SYNE2: variants seen among roughly 807,000 people sequenced by gnomAD.
SYNE2 encodes nesprin-2.
SYNE2 carries 431 observed loss-of-function variants against 856.3 expected under a neutral mutation model. The observed-to-expected ratio is 0.50, with a 90% CI of 0.47 to 0.55. SYNE2 has a LOEUF of 0.55. Among genes scored for constraint, SYNE2 ranks in the 20% least tolerant of loss-of-function variants. SYNE2 has a pLI of 0.00. For synonymous variants in SYNE2, 2,923 were observed against 2,872.3 expected (o/e 1.02, Z -0.56); for missense variants, 8,129 against 8,023.2 (o/e 1.01, Z -0.50).
intron 64 of SYNE2, among the ~76,000 whole-genome samples, chr14:64,106,611 T>C (rs1301158006): frequency 1.3e-5 from 2 of 152,204 alleles, no homozygotes; most frequent in African/African-American, 4.8e-5. Context: ...ATCGTGCCAC[T>C]GCCCTCCAGC....
chr14:63,829,301 C>T (rs761643226), intron 1 of SYNE2, among the ~76,000 whole-genome samples: 3 of 151,946 alleles, frequency 2.0e-5, no homozygotes, highest in Non-Finnish European at 2.9e-5. Flanking sequence ...CCTGTGGTAC[C>T]AGCTACTCGG....
At position 64,022,874 on chromosome 14, in the gene SYNE2, T is replaced by A; in HGVS notation, c.5637+11T>A. ...CTACAAAAACTTTCTGTAAGAGATATATGTGTATTTTTAATAAAAATTTTC... is the reference window on the plus strand; with the variant it reads ...CTACAAAAACTTTCTGTAAGAGATAAATGTGTATTTTTAATAAAAATTTTC... On this transcript the variant is annotated intron_variant, in intron 38 of 115. Transcript: ENST00000555002. 1.4e-6 allele frequency: 2 copies of A among 1,409,170 alleles called. No homozygotes were observed. Among genetic ancestry groups the A allele is most frequent in the Non-Finnish European group, 2.0e-6 (2 of 1,002,062 alleles). The allele number at this position is 1,409,170 out of a possible 1,614,324, so 87.3% of individuals were successfully genotyped here. A position where few individuals can be genotyped will look rare whatever the true frequency, so the allele number is the denominator to read the frequency against.
chr14:63,761,645 A>T (rs925903438), upstream of SYNE2, among the ~76,000 whole-genome samples: 1 of 152,194 alleles, frequency 6.6e-6, no homozygotes, highest in African/African-American at 2.4e-5. Flanking sequence ...TACTTCTCTA[A>T]TGAGGGACTT....
chr14:64,083,655 A>G (rs1242232736), intron 57 of SYNE2, among the ~76,000 whole-genome samples: 2 of 152,192 alleles, frequency 1.3e-5, no homozygotes, highest in Non-Finnish European at 2.9e-5. Context: ...GTCCTATGTG[A>G]AATCCTCATT....
chr14:64,193,137 T>C (rs2098525737), intron 99 of SYNE2, among the ~76,000 whole-genome samples: 1 of 152,244 alleles, frequency 6.6e-6, no homozygotes, highest in Non-Finnish European at 1.5e-5. Context: ...AAGAACCTGC[T>C]CTGCGGGATG....
Position 64,051,924 on chromosome 14 carries a change from G to A in SYNE2, c.8011G>A (p.Asp2671Asn). Residue 2671 changes from aspartate to asparagine, a missense_variant, in exon 48 of 116, where the codon GAC becomes AAC. Asp to Asn is a conservative substitution (Grantham distance 23). Coordinates refer to ENST00000555002, the MANE Select transcript of SYNE2 (RefSeq NM_182914.3). ...CCAAAGCATGATTGCCTTGACCACT[G>A]ACCTCCAGGCTACCAAGCATGGATT... ...GNQSMIALTTDLQATKHGFSV... is the reference protein window; with the variant it reads ...GNQSMIALTTNLQATKHGFSV... 3 of 1,613,852 alleles carry A rather than the reference G, an allele frequency of 1.9e-6. No homozygotes were observed. Among genetic ancestry groups the A allele is most frequent in the East Asian group, 2.2e-5 (1 of 44,876 alleles).
At chr14:63,914,818 C>T (rs191806150) in intron 2 of SYNE2, among the ~76,000 whole-genome samples, 1 of 152,294 alleles carries the variant, frequency 6.6e-6, no homozygotes, top group East Asian at 1.9e-4. Flanking sequence ...TGCTCAGTTG[C>T]CCAGGCTGGA....
Position 64,016,091 on chromosome 14 carries a change from T to C in SYNE2, c.4729-382T>C, listed in dbSNP as rs371673306. ...TATTCAGATAAGTGCTTAGGTTCTT[T>C]GATATTAAAAAGATGATTCTTATTA... On this transcript the variant is annotated intron_variant, in intron 32 of 115. Transcript: ENST00000555002. Among the ~76,000 whole-genome samples the C allele has an allele frequency of 1.2e-4, 19 of 152,250 alleles. 1 individual carries two copies. The highest frequency in any genetic ancestry group is 4.6e-4 in the African/African-American group (19 of 41,572).
chr14:64,042,057 A>T (rs2097152880), intron 45 of SYNE2, among the ~76,000 whole-genome samples: 1 of 152,228 alleles, frequency 6.6e-6, no homozygotes, highest in South Asian at 2.1e-4. Flanking sequence ...GGTATATATC[A>T]CAGCACTATC....
At chr14:63,980,885 C>T (rs1009313089) in intron 15 of SYNE2, 101 bp from the exon 16 acceptor site, 56 of 1,050,906 alleles carry the variant, frequency 5.3e-5, no homozygotes, top group Non-Finnish European at 7.5e-5. Flanking sequence ...TGTCAGAGTA[C>T]ATATTATTTT....
At chr14:63,931,508 C>T (rs1566831521) in intron 2 of SYNE2, among the ~76,000 whole-genome samples, 2 of 150,588 alleles carry the variant, frequency 1.3e-5, no homozygotes, top group South Asian at 4.2e-4. Context: ...CGAAATCATA[C>T]CATTACACTC....
At position 64,138,929 on chromosome 14, in the gene SYNE2, TGTGTGTGTGTATGTATG is replaced by T. The variant is rs1309180712; in HGVS notation, c.14843+957_14843+973del. 6.7e-4 allele frequency among the ~76,000 whole-genome samples: 97 copies of T among 145,348 alleles called. 1 individual carries two copies. Among genetic ancestry groups the T allele is most frequent in the African/African-American group, 2.5e-3 (90 of 36,456 alleles). On this transcript the variant is annotated intron_variant, in intron 79 of 115. Coordinates refer to ENST00000555002, the MANE Select transcript of SYNE2 (RefSeq NM_182914.3). ...AATGCTGGTTGTGTGTGTGTGTGTG[TGTGTGTGTGTATGTATG>T]GTGTGTGTGTGTGTGTGTGTGTGTG...
At chr14:63,912,192 C>T (rs79334466) in intron 2 of SYNE2, among the ~76,000 whole-genome samples, 1,538 of 152,162 alleles carry the variant, frequency 0.01, 30 homozygotes, top group African/African-American at 0.035. Context: ...CAAAGTTAAG[C>T]TCCATATTGT....
chr14:64,110,627 C>A (rs1194873066), intron 65 of SYNE2, among the ~76,000 whole-genome samples: 1 of 124,676 alleles, frequency 8.0e-6, no homozygotes, highest in Non-Finnish European at 1.6e-5. Context: ...TATAAAACAT[C>A]CATTTAAATA....
At chr14:63,958,901 G>A (rs1211327534) in intron 8 of SYNE2, among the ~76,000 whole-genome samples, 2 of 152,100 alleles carry the variant, frequency 1.3e-5, no homozygotes, top group African/African-American at 4.8e-5. Context: ...TCCTCTTTAC[G>A]CTCAAAGTTT....
chr14:63,988,965 G>A (rs2096646473), intron 19 of SYNE2, among the ~76,000 whole-genome samples: 1 of 152,168 alleles, frequency 6.6e-6, no homozygotes, highest in South Asian at 2.1e-4. Flanking sequence ...ATGCCACTGT[G>A]AGTTGTAATT....
chr14:63,836,428 G>T (rs957291968), intron 1 of SYNE2, among the ~76,000 whole-genome samples: 5 of 152,242 alleles, frequency 3.3e-5, no homozygotes, highest in Admixed American at 2.0e-4. Flanking sequence ...CATTTGTTCA[G>T]ACTATAAACA....
At position 64,052,133 on chromosome 14, in the gene SYNE2, C is replaced by T. The variant is rs1311831582; in HGVS notation, c.8220C>T (p.Ile2740=). 6.2e-7 allele frequency: 1 copy of T among 1,614,110 alleles called. No individual in the cohort carries two copies. The highest frequency in any genetic ancestry group is 8.5e-7 in the Non-Finnish European group (1 of 1,180,026). The change falls in exon 48 of 116, where the codon ATC becomes ATT. Residue 2740 remains isoleucine (I), a synonymous_variant. Coordinates refer to ENST00000555002, the MANE Select transcript of SYNE2 (RefSeq NM_182914.3). ...TAAGGAACAAGATGAAAGAGACTAT[C>T]TTATGGGCCAAGAATTTGTTGGGTG... is the stretch of plus-strand genomic sequence containing the variant. ...CDIRNKMKET[I]LWAKNLLGEL...
chr14:64,055,758 A>G (rs1208523261), intron 48 of SYNE2, among the ~76,000 whole-genome samples, 186 bp from the exon 49 acceptor site: 1 of 152,082 alleles, frequency 6.6e-6, no homozygotes, highest in East Asian at 1.9e-4. Flanking sequence ...CTCTTATAAG[A>G]CTCAGAGACA....
Sources: allele counts gnomAD v4.1 joint callset (sites outside exome capture counted in the v4.1 genomes callset), GRCh38; gene constraint gnomAD v4.1.1; transcripts MANE v1.5; gene names NCBI Gene and HGNC (gene_info 2026-07-23, HGNC 2026-07-21).